Variants in GSG1L observed in about 807,000 individuals in gnomAD.
The protein encoded by GSG1L is germ cell-specific gene 1-like protein.
A neutral mutation model predicts 42.1 loss-of-function variants in GSG1L; 24 were observed. The ratio of observed to expected loss-of-function variants is 0.57; its 90% CI spans 0.41 to 0.80. The LOEUF (loss-of-function observed/expected upper bound fraction) is 0.80, where lower values mean the gene tolerates loss of function less well. Ranked by LOEUF, GSG1L falls within the 30% of genes least tolerant of loss-of-function variation. GSG1L has a pLI of 0.00. For missense variants in GSG1L, 445 were observed against 472.2 expected (o/e 0.94, Z 0.53); for synonymous variants, 215 against 203.5 (o/e 1.06, Z -0.48).
At chr16:27,904,800 C>T (rs2084301231) in intron 2 of GSG1L, among the ~76,000 whole-genome samples, 1 of 152,156 alleles carries the variant, frequency 6.6e-6, no homozygotes, top group Admixed American at 6.5e-5. Flanking sequence ...AAGGTACAAG[C>T]ACAGTCATAA....
rs55682889 is a variant in GSG1L, at chr16:28,011,023, A to T, written c.350-47820T>A. ...GTCGGGGCTCTGCCGGGCAGGCTGCACTCCTTGGATGCCCCTAAGAGCTCC... is the reference window on the plus strand; with the variant it reads ...GTCGGGGCTCTGCCGGGCAGGCTGCTCTCCTTGGATGCCCCTAAGAGCTCC... On this transcript the variant is annotated intron_variant, in intron 1 of 6. Coordinates refer to ENST00000447459, the MANE Select transcript of GSG1L (RefSeq NM_001109763.2). 6.9e-3 allele frequency among the ~76,000 whole-genome samples: 1,048 copies of T among 152,090 alleles called. 13 individuals carry two copies. Among genetic ancestry groups the T allele is most frequent in the African/African-American group, 0.024 (985 of 41,466 alleles).
At chr16:28,005,977 C>T (rs1417463624) in intron 1 of GSG1L, among the ~76,000 whole-genome samples, 1 of 152,166 alleles carries the variant, frequency 6.6e-6, no homozygotes, top group African/African-American at 2.4e-5. Flanking sequence ...TCCAAGTTGA[C>T]CCAATGTCAT....
At chr16:27,994,316 G>T (rs2085490460) in intron 1 of GSG1L, among the ~76,000 whole-genome samples, 1 of 151,962 alleles carries the variant, frequency 6.6e-6, no homozygotes, top group East Asian at 1.9e-4. Context: ...TCAGAATGGT[G>T]GGGGGATGTG....
At chr16:27,814,688 GAAAA>G (rs750992732) in intron 5 of GSG1L, among the ~76,000 whole-genome samples, 2 of 94,326 alleles carry the variant, frequency 2.1e-5, no homozygotes, top group South Asian at 3.9e-4. Context: ...CCGTCTCAAG[GAAAA>G]AAAAAAAAAA....
intron 1 of GSG1L, among the ~76,000 whole-genome samples, chr16:27,987,675 G>C (rs1183582185): frequency 6.6e-6 from 1 of 152,108 alleles, no homozygotes; most frequent in Non-Finnish European, 1.5e-5. Context: ...TGGGCTGGTC[G>C]TGGTGGCTCA....
chr16:27,887,382 G>A (rs758362246), intron 2 of GSG1L, among the ~76,000 whole-genome samples: 2 of 152,212 alleles, frequency 1.3e-5, no homozygotes, highest in Non-Finnish European at 1.5e-5. Context: ...GCCAAGAGAT[G>A]GAGGAAGATT....
chr16:27,861,210 A>T (rs1567491829), intron 3 of GSG1L, among the ~76,000 whole-genome samples: 1 of 151,986 alleles, frequency 6.6e-6, no homozygotes, highest in Non-Finnish European at 1.5e-5. Context: ...TCTATTAAAA[A>T]ATATATATAT....
rs574649749 is a variant in GSG1L at position 27,973,511 on chromosome 16, C to T, written c.350-10308G>A. On this transcript the variant is annotated intron_variant, in intron 1 of 6. Coordinates refer to ENST00000447459, the MANE Select transcript of GSG1L (RefSeq NM_001109763.2). ...ATGGCTTTCGTTGTCATCACTGTCA[C>T]CTACATGCGGGTCAGAGGAAACATG... 2.1e-4 allele frequency among the ~76,000 whole-genome samples: 31 copies of T among 146,574 alleles called. 1 individual carries two copies. Among genetic ancestry groups the T allele is most frequent in the African/African-American group, 7.5e-4 (30 of 39,974 alleles).
At chr16:27,835,286 G>A (rs187072167) in intron 4 of GSG1L, among the ~76,000 whole-genome samples, 2 of 152,186 alleles carry the variant, frequency 1.3e-5, no homozygotes, top group East Asian at 1.9e-4. Context: ...ATTTGCCTGA[G>A]TCTACTTTAT....
At chr16:27,920,257 T>G (rs2084508686) in intron 2 of GSG1L, among the ~76,000 whole-genome samples, 1 of 152,244 alleles carries the variant, frequency 6.6e-6, no homozygotes, top group Admixed American at 6.5e-5. Flanking sequence ...ATGGTGTGCC[T>G]ACTGTATCTT....
intron 6 of GSG1L, among the ~76,000 whole-genome samples, chr16:27,801,178 G>A (rs1043675258): frequency 2.0e-5 from 3 of 152,186 alleles, no homozygotes; most frequent in African/African-American, 7.2e-5. Flanking sequence ...GGGCAGCATG[G>A]GAGATGGGGA....
chr16:27,943,566 C>CTTTTTTTTTTTTTTTTTTTTTTTTTTTT (rs11385465), intron 2 of GSG1L, among the ~76,000 whole-genome samples: 1 of 67,720 alleles, frequency 1.5e-5, no homozygotes, highest in Non-Finnish European at 2.6e-5. Flanking sequence ...TTCTTTGTTT[C>CTTTTTTTTTTTTTTTTTTTTTTTTTTTT]TTTTTTTTTT....
chr16:27,994,603 G>T (rs1429767008), intron 1 of GSG1L, among the ~76,000 whole-genome samples: 1 of 152,062 alleles, frequency 6.6e-6, no homozygotes, highest in Non-Finnish European at 1.5e-5. Flanking sequence ...TTCTATTTTG[G>T]TGAGTTTTAC....
chr16:27,926,096 A>C (rs2084589091), intron 2 of GSG1L, among the ~76,000 whole-genome samples: 1 of 152,250 alleles, frequency 6.6e-6, no homozygotes, highest in Admixed American at 6.5e-5. Context: ...CATGAATACA[A>C]GATAGGAAAA....
intron 1 of GSG1L, among the ~76,000 whole-genome samples, chr16:28,012,473 G>A (rs1263900338): frequency 6.6e-6 from 1 of 152,072 alleles, no homozygotes; most frequent in Non-Finnish European, 1.5e-5. Flanking sequence ...TGTGTAGACA[G>A]AATGTCTATT....
intron 3 of GSG1L, among the ~76,000 whole-genome samples, chr16:27,864,096 A>T (rs1168093518): frequency 6.6e-6 from 1 of 152,140 alleles, no homozygotes; most frequent in African/African-American, 2.4e-5. Context: ...CCCAGCTTAC[A>T]TCCTCTCCTC....
At chr16:27,892,279 A>G (rs2084138434) in intron 2 of GSG1L, among the ~76,000 whole-genome samples, 1 of 151,814 alleles carries the variant, frequency 6.6e-6, no homozygotes, top group Non-Finnish European at 1.5e-5. Context: ...ATATAGGGAG[A>G]CCTCATCTCT....
rs542821823 is a variant in GSG1L at position 28,043,070 on chromosome 16, C to T, written c.349+20006G>A. 6.6e-5 allele frequency among the ~76,000 whole-genome samples: 10 copies of T among 152,272 alleles called. No individual in the cohort carries two copies. The South Asian group carries it at 1.2e-3, about 19-fold the overall frequency. On this transcript the variant is annotated intron_variant, in intron 1 of 6. Transcript: ENST00000447459. Reference sequence around the variant, plus strand: ...CAGAAAGTTAATTCCCTGCCAAAGACGAGGTATTTTGATATGAGTCATGGA... The same window carrying T: ...CAGAAAGTTAATTCCCTGCCAAAGATGAGGTATTTTGATATGAGTCATGGA...
chr16:28,054,905 C>G (rs574968896), intron 1 of GSG1L, among the ~76,000 whole-genome samples: 1 of 152,178 alleles, frequency 6.6e-6, no homozygotes, highest in East Asian at 1.9e-4. Context: ...CAAAAATGGA[C>G]CACTAGGCAC....
Sources: allele counts gnomAD v4.1 joint callset (sites outside exome capture counted in the v4.1 genomes callset), GRCh38; gene constraint gnomAD v4.1.1; transcripts MANE v1.5; gene names NCBI Gene and HGNC (gene_info 2026-07-23, HGNC 2026-07-21).